MAP3K7CL: variants seen among roughly 807,000 people sequenced by gnomAD.
MAP3K7CL encodes the protein MAP3K7 C-terminal like.
A neutral mutation model predicts 18.6 loss-of-function variants in MAP3K7CL; 16 were observed. The ratio of observed to expected loss-of-function variants is 0.86; its 90% CI spans 0.58 to 1.31. The LOEUF is 1.31. Among genes scored for constraint, MAP3K7CL ranks in the 50% most tolerant of loss-of-function variants. The pLI is 0.00. For missense variants in MAP3K7CL, 163 were observed against 174.4 expected (o/e 0.93, Z 0.37); for synonymous variants, 65 against 66.8 (o/e 0.97, Z 0.13).
At chr21:29,163,339 C>A (rs533513942) in intron 4 of MAP3K7CL, among the ~76,000 whole-genome samples, 1 of 151,916 alleles carries the variant, frequency 6.6e-6, no homozygotes, top group South Asian at 2.1e-4. Flanking sequence ...AGGGCCAAGG[C>A]CAAATTCTTT....
intron 4 of MAP3K7CL, among the ~76,000 whole-genome samples, chr21:29,107,205 A>G (rs1292546304): frequency 2.6e-5 from 4 of 152,100 alleles, no homozygotes; most frequent in Admixed American, 1.3e-4. Flanking sequence ...AATCCCAGCT[A>G]CTCAGGAGGC....
chr21:29,120,164 T>C (rs2086568355), intron 4 of MAP3K7CL, among the ~76,000 whole-genome samples: 1 of 151,104 alleles, frequency 6.6e-6, no homozygotes, highest in African/African-American at 2.4e-5. Context: ...TGATCTTTTG[T>C]TTCCAGTTTG....
chr21:29,113,736 G>C (rs1015141996), intron 4 of MAP3K7CL, among the ~76,000 whole-genome samples: 5 of 152,052 alleles, frequency 3.3e-5, no homozygotes, highest in Non-Finnish European at 5.9e-5. Context: ...GTTGGTCAGA[G>C]TGGTCTCAAT....
At chr21:29,130,576 A>G (rs1431877724), upstream of MAP3K7CL, 1 of 985,200 alleles carries the variant, frequency 1.0e-6, no homozygotes, top group Middle Eastern at 5.2e-4. Context: ...ACTCCCCACA[A>G]CTTGCTGTTT....
Position 29,175,698 on chromosome 21 carries a change from ATTGTT to A in MAP3K7CL, c.*815_*819del, listed in dbSNP as rs1220257927. ...TGAAAACATCAGTGAACTTGTAACT[ATTGTT>A]TTGTTTTGGATTTAAGGAGATGTTT... On this transcript the variant is annotated 3_prime_UTR_variant, in exon 5 of 5. Transcript: ENST00000399928. 2 of 152,184 alleles carry A rather than the reference ATTGTT, an allele frequency of 1.3e-5. No individual in the cohort carries two copies. The highest frequency in any genetic ancestry group is 4.8e-5 in the African/African-American group (2 of 41,424). 9.4% of individuals were successfully genotyped at this position (152,184 alleles called of 1,614,324 possible). A position where few individuals can be genotyped will look rare whatever the true frequency, so the allele number is the denominator to read the frequency against.
At chr21:29,164,071 G>C (rs1277331554) in intron 4 of MAP3K7CL, among the ~76,000 whole-genome samples, 1 of 150,908 alleles carries the variant, frequency 6.6e-6, no homozygotes, top group African/African-American at 2.4e-5. Context: ...TTGCACTCCA[G>C]CCCGGGTGAC....
intron 2 of MAP3K7CL, among the ~76,000 whole-genome samples, chr21:29,138,550 G>A (rs971673945): frequency 1.3e-5 from 2 of 152,186 alleles, no homozygotes; most frequent in Admixed American, 1.3e-4. Context: ...AAACTGGCAT[G>A]CTCCTTGTAA....
chr21:29,170,641 T>C (rs2087803162), intron 4 of MAP3K7CL, among the ~76,000 whole-genome samples: 1 of 152,046 alleles, frequency 6.6e-6, no homozygotes, highest in African/African-American at 2.4e-5. Flanking sequence ...CTTTCTCTTT[T>C]TTTTTTCTTT....
At chr21:29,145,727 C>G (rs768443383) in intron 2 of MAP3K7CL, 2 of 152,204 alleles carry the variant, frequency 1.3e-5, no homozygotes, top group Non-Finnish European at 2.9e-5. Context: ...ATACATCTGT[C>G]TTTGGTTTTC....
At chr21:29,095,452 G>C (rs1601140487) in intron 4 of MAP3K7CL, among the ~76,000 whole-genome samples, 1 of 152,296 alleles carries the variant, frequency 6.6e-6, no homozygotes, top group East Asian at 1.9e-4. Flanking sequence ...GAATGTGGGG[G>C]AGCTGGAGCC....
At chr21:29,174,682 T>G in intron 4 of MAP3K7CL, 30 bp from the exon 5 acceptor site, 1 of 1,611,408 alleles carries the variant, frequency 6.2e-7, no homozygotes, top group South Asian at 1.1e-5. Flanking sequence ...AATTCTGTGC[T>G]TCTTCCTGCC....
intron 4 of MAP3K7CL, among the ~76,000 whole-genome samples, chr21:29,161,036 C>T (rs1011559039): frequency 3.9e-5 from 6 of 152,326 alleles, no homozygotes; most frequent in Admixed American, 3.3e-4. Context: ...GGGGGCCGGG[C>T]GCAGTGGCCC....
upstream of MAP3K7CL, among the ~76,000 whole-genome samples, chr21:29,129,251 A>G (rs374670649): frequency 3.3e-5 from 5 of 152,340 alleles, no homozygotes; most frequent in African/African-American, 1.2e-4. Flanking sequence ...GGTTTGGACA[A>G]TTGTGTAATG....
intron 4 of MAP3K7CL, chr21:29,109,570 T>G (rs2086383819): frequency 2.0e-6 from 2 of 1,016,264 alleles, no homozygotes; most frequent in Non-Finnish European, 2.4e-6. Context: ...CATTTTTTGA[T>G]TTATAAACTG....
At chr21:29,091,850 G>A (rs1486198133) in intron 3 of MAP3K7CL, 1 of 634,940 alleles carries the variant, frequency 1.6e-6, no homozygotes, top group South Asian at 1.8e-5. Flanking sequence ...CAGGTACTAT[G>A]TATTAATTGT....
intron 1 of MAP3K7CL, among the ~76,000 whole-genome samples, chr21:29,132,003 C>G (rs2146623395): frequency 6.6e-6 from 1 of 152,272 alleles, no homozygotes; most frequent in South Asian, 2.1e-4. Flanking sequence ...ATTATTTATA[C>G]TTTGCCATTT....
chr21:29,133,967 G>A (rs537005671), intron 2 of MAP3K7CL, among the ~76,000 whole-genome samples: 21 of 152,304 alleles, frequency 1.4e-4, no homozygotes, highest in South Asian at 8.3e-4. Context: ...AGAGCCCTTC[G>A]TCATGGCTCC....
intron 4 of MAP3K7CL, among the ~76,000 whole-genome samples, chr21:29,172,302 A>G (rs55921835): frequency 0.48 from 71,097 of 147,428 alleles, 18,871 homozygotes; most frequent in African/African-American, 0.72. Context: ...ATTTTTAAAG[A>G]TACAGGTTAA....
chr21:29,156,952 G>A (rs2087420640), intron 3 of MAP3K7CL, among the ~76,000 whole-genome samples: 1 of 152,174 alleles, frequency 6.6e-6, no homozygotes, highest in South Asian at 2.1e-4. Context: ...GATTATAAAG[G>A]GGTGAGAAAT....
Sources: allele counts gnomAD v4.1 joint callset (sites outside exome capture counted in the v4.1 genomes callset), GRCh38; gene constraint gnomAD v4.1.1; transcripts MANE v1.5; gene names NCBI Gene and HGNC (gene_info 2026-07-23, HGNC 2026-07-21).